TAC4: variants seen among roughly 807,000 people sequenced by gnomAD.
TAC4 encodes the protein tachykinin-4.
In TAC4, 17 loss-of-function variants were observed where a neutral mutation model predicts 17.7. The ratio of observed to expected loss-of-function variants is 0.96; its 90% CI spans 0.66 to 1.44. The LOEUF is 1.44. TAC4 is among the 40% of genes most tolerant of loss of function. The pLI is 0.00. For missense variants in TAC4, 118 were observed against 125.6 expected (o/e 0.94, Z 0.29); for synonymous variants, 62 against 52.4 (o/e 1.18, Z -0.79).
chr17:49,846,079 C>A, intron 1 of TAC4: 1 of 513,642 alleles, frequency 1.9e-6, no homozygotes. Flanking sequence ...ACCTTTCTCC[C>A]CCACTGGGTT....
At chr17:49,845,587 C>CCTT (rs904699704) in intron 1 of TAC4, among the ~76,000 whole-genome samples, 2 of 152,166 alleles carry the variant, frequency 1.3e-5, no homozygotes, top group Non-Finnish European at 2.9e-5. Flanking sequence ...AGGGAGGGGG[C>CCTT]TGGGGAGTCC....
chr17:49,847,325 G>C (rs1330872140), intron 1 of TAC4: 5 of 1,192,202 alleles, frequency 4.2e-6, no homozygotes, highest in Non-Finnish European at 4.4e-6. Context: ...TCCCCAATCA[G>C]ATTGTCAGGC....
chr17:49,839,609 G>A (rs796432816), intron 4 of TAC4, among the ~76,000 whole-genome samples: 1 of 152,196 alleles, frequency 6.6e-6, no homozygotes, highest in African/African-American at 2.4e-5. Flanking sequence ...GGGCAGGGGT[G>A]GGGGCAGGGC....
chr17:49,846,316 GC>G, intron 1 of TAC4: 1 of 1,116,012 alleles, frequency 9.0e-7, no homozygotes, highest in Non-Finnish European at 1.2e-6. Flanking sequence ...TCGCTCTGTT[GC>G]CCAGGTTGGA....
At chr17:49,842,738 CT>C (rs1320468831) in intron 2 of TAC4, among the ~76,000 whole-genome samples, 3 of 152,186 alleles carry the variant, frequency 2.0e-5, no homozygotes, top group African/African-American at 4.8e-5. Context: ...TTTCTCCCCC[CT>C]CATCTCCACT....
intron 1 of TAC4, chr17:49,845,781 T>G (rs572807257): frequency 1.3e-5 from 2 of 153,612 alleles, no homozygotes; most frequent in African/African-American, 4.8e-5. Context: ...CCCTCTTGTC[T>G]CTCACAACTT....
At chr17:49,846,121 T>C (rs1053410698) in intron 1 of TAC4, 4 of 971,910 alleles carry the variant, frequency 4.1e-6, no homozygotes, top group Admixed American at 5.5e-5. Context: ...TTCGGAGACA[T>C]TGGTTTCCCA....
intron 1 of TAC4, 42 bp downstream of exon 1, chr17:49,847,871 G>A (rs758692908): frequency 1.2e-5 from 19 of 1,612,986 alleles, no homozygotes; most frequent in Admixed American, 1.2e-4. Context: ...CCCTGCCCTC[G>A]TCAGAGCCTC....
chr17:49,844,222 G>A (rs1422221920), intron 1 of TAC4, 65 bp from the exon 2 acceptor site: 38 of 1,487,404 alleles, frequency 2.6e-5, no homozygotes, highest in Non-Finnish European at 3.5e-5. Flanking sequence ...GCCAGCCTGG[G>A]CAATGGCAAT....
Position 49,844,083 on chromosome 17 carries a change from C to T in TAC4, c.180G>A (p.Leu60=), listed in dbSNP as rs183421777. The T allele has an allele frequency of 1.1e-5, 18 of 1,614,032 alleles. No homozygotes were observed. Among genetic ancestry groups the T allele is most frequent in the Admixed American group, 1.7e-5 (1 of 60,030 alleles). The change falls in exon 2 of 5, where the codon CTG becomes CTA. Residue 60 remains leucine, a synonymous_variant. Transcript: ENST00000436235. ...KTGKASQFFG[L]MGKRVGGRPL... is the part of the protein sequence containing the mutation. ...ACTCACCTCCCACTCGCTTCCCCAT[C>T]AGCCCAAAGAACTGGCTTGCCTTGC... is the stretch of plus-strand genomic sequence containing the variant.
chr17:49,845,171 C>T (rs1184534361), intron 1 of TAC4, among the ~76,000 whole-genome samples: 2 of 152,184 alleles, frequency 1.3e-5, no homozygotes, highest in Admixed American at 6.5e-5. Flanking sequence ...CCCCATTGTC[C>T]CAGATTTTCC....
At chr17:49,843,918 T>G (rs1435807635) in intron 2 of TAC4, 146 bp downstream of exon 2, 6 of 704,470 alleles carry the variant, frequency 8.5e-6, no homozygotes, top group Middle Eastern at 5.6e-4. Context: ...CTATGGACAG[T>G]CTGTGCCACC....
Position 49,848,027 on chromosome 17 carries a change from G to A in TAC4, c.-10C>T, listed in dbSNP as rs776712999. 1 of 1,613,794 alleles carries A rather than the reference G, an allele frequency of 6.2e-7. No individual in the cohort carries two copies. The highest frequency in any genetic ancestry group is 1.1e-5 in the South Asian group (1 of 91,076). On this transcript the variant is annotated 5_prime_UTR_variant, in exon 1 of 5. Coordinates refer to ENST00000436235, the MANE Select transcript of TAC4 (RefSeq NM_001077506.2). ...CGAGGCAAGGCAGCATGGTGAGCCTGCACTGTCCTGGAATCTCTGGGAGCC... is the reference window on the plus strand; with the variant it reads ...CGAGGCAAGGCAGCATGGTGAGCCTACACTGTCCTGGAATCTCTGGGAGCC...
chr17:49,843,250 A>G (rs2074512081), intron 2 of TAC4, among the ~76,000 whole-genome samples: 1 of 152,260 alleles, frequency 6.6e-6, no homozygotes, highest in South Asian at 2.1e-4. Flanking sequence ...AATATTGACA[A>G]TAAGAGAAAA....
chr17:49,839,828 AC>A, intron 4 of TAC4, 21 bp downstream of exon 4: 1 of 1,604,308 alleles, frequency 6.2e-7, no homozygotes. Context: ...TGCCCTTGCA[AC>A]CACCAGCGGC....
intron 1 of TAC4, 37 bp from the exon 2 acceptor site, chr17:49,844,194 T>C (rs762750272): frequency 1.2e-6 from 2 of 1,607,474 alleles, no homozygotes; most frequent in Admixed American, 3.3e-5. Flanking sequence ...AGTTGGGAGG[T>C]TGTCCAGCAG....
intron 1 of TAC4, 84 bp downstream of exon 1, chr17:49,847,829 G>A (rs1319319044): frequency 1.2e-6 from 2 of 1,608,336 alleles, no homozygotes; most frequent in South Asian, 2.2e-5. Flanking sequence ...CAGCCATGCA[G>A]GGGATCTTCT....
Position 49,847,167 on chromosome 17 carries a change from A to G in TAC4, c.105+746T>C, listed in dbSNP as rs1232828070. 7.8e-6 allele frequency: 10 copies of G among 1,289,930 alleles called. 1 individual carries two copies. The Admixed American group carries it at 2.1e-4, about 27-fold the overall frequency. 79.9% of individuals were successfully genotyped at this position (1,289,930 alleles called of 1,614,324 possible). A position where few individuals can be genotyped will look rare whatever the true frequency, so the allele number is the denominator to read the frequency against. On this transcript the variant is annotated intron_variant, in intron 1 of 4. Coordinates refer to ENST00000436235, the MANE Select transcript of TAC4 (RefSeq NM_001077506.2). ...CCCCAGTGTCCTTACCATCCTGGGA[A>G]TGGGAGGAGTCAGGCCCAGCCTTGT... is the stretch of plus-strand genomic sequence containing the variant.
At chr17:49,838,738 G>A (rs368666524) in intron 4 of TAC4, 65 bp from the exon 5 acceptor site, 1 of 1,563,172 alleles carries the variant, frequency 6.4e-7, no homozygotes, top group Non-Finnish European at 8.7e-7. Context: ...TCCACCCTTA[G>A]AAGTCTTCCC....
Sources: gnomAD v4.1 joint callset for allele counts (sites outside exome capture counted in the v4.1 genomes callset) on GRCh38, gnomAD v4.1.1 for gene constraint, MANE v1.5 for transcripts, NCBI Gene and HGNC (gene_info 2026-07-23, HGNC 2026-07-21) for gene names.